NCALD: variants seen among roughly 807,000 people sequenced by gnomAD.
The protein encoded by NCALD is neurocalcin-delta.
In NCALD, 10 loss-of-function variants were observed where a neutral mutation model predicts 18.6. The ratio of observed to expected loss-of-function variants is 0.54; its 90% CI spans 0.33 to 0.91. The LOEUF (loss-of-function observed/expected upper bound fraction) is 0.91, where lower values mean the gene tolerates loss of function less well. Ranked by LOEUF, NCALD falls within the 40% of genes least tolerant of loss-of-function variation. NCALD has a pLI of 0.03. For synonymous variants in NCALD, 88 were observed against 87.4 expected (o/e 1.01, Z -0.04); for missense variants, 184 against 247.6 (o/e 0.74, Z 1.72).
At chr8:102,020,573 C>A (rs1017449640) in intron 1 of NCALD, among the ~76,000 whole-genome samples, 1 of 152,118 alleles carries the variant, frequency 6.6e-6, no homozygotes, top group South Asian at 2.1e-4. Flanking sequence ...TGCTATTGTC[C>A]GCTTATCCCA....
intron 4 of NCALD, among the ~76,000 whole-genome samples, chr8:101,845,896 C>A (rs886743915): frequency 6.6e-6 from 1 of 152,158 alleles, no homozygotes; most frequent in African/African-American, 2.4e-5. Flanking sequence ...CATAAGATGA[C>A]CTTTTATTAA....
chr8:101,743,948 G>A (rs1453736956), intron 1 of NCALD, among the ~76,000 whole-genome samples: 4 of 152,176 alleles, frequency 2.6e-5, no homozygotes, highest in African/African-American at 7.2e-5. Flanking sequence ...TTTGGACAGC[G>A]TGTGAACTCC....
At chr8:101,712,091 C>T (rs1188101844) in intron 2 of NCALD, among the ~76,000 whole-genome samples, 1 of 151,980 alleles carries the variant, frequency 6.6e-6, no homozygotes, top group East Asian at 1.9e-4. Flanking sequence ...ACCTTACAAG[C>T]CAGTGAGGGT....
intron 1 of NCALD, among the ~76,000 whole-genome samples, chr8:102,075,815 C>CG (rs1563595827): frequency 6.6e-6 from 1 of 151,726 alleles, no homozygotes; most frequent in African/African-American, 2.4e-5. Flanking sequence ...TAGCCAAGCA[C>CG]GGGGGTGAGC....
chr8:102,036,596 G>A (rs1822874199), intron 1 of NCALD, among the ~76,000 whole-genome samples: 1 of 151,958 alleles, frequency 6.6e-6, no homozygotes, highest in African/African-American at 2.4e-5. Context: ...CTAACATGGT[G>A]AAACCCCATT....
rs577020099 is a variant in NCALD at position 101,843,812 on chromosome 8, C to T, written c.-20+43329G>A. ...GGCCAGGCTGGTCTCGAACTCCTGG[C>T]CTCAAGTTATCTACCCGACTCAGCC... On this transcript the variant is annotated intron_variant, in intron 4 of 6. Transcript: ENST00000311028. Among the ~76,000 whole-genome samples, 5 of 152,140 alleles carry T rather than the reference C, an allele frequency of 3.3e-5. No homozygotes were observed. In the South Asian group the frequency reaches 1.0e-3, roughly 32 times the overall value.
intron 3 of NCALD, chr8:101,692,172 C>G: frequency 1.0e-6 from 1 of 985,422 alleles, no homozygotes; most frequent in Non-Finnish European, 1.2e-6. Context: ...TCCTTCTGTT[C>G]TTAAGTTGGA....
intron 1 of NCALD, among the ~76,000 whole-genome samples, chr8:102,069,512 A>T (rs770074323): frequency 3.9e-5 from 6 of 152,234 alleles, no homozygotes; most frequent in Non-Finnish European, 7.3e-5. Flanking sequence ...TGAGTCCTAG[A>T]ATTCCACTCC....
intron 2 of NCALD, among the ~76,000 whole-genome samples, chr8:101,972,991 T>A (rs895606843): frequency 6.6e-6 from 1 of 151,992 alleles, no homozygotes; most frequent in East Asian, 1.9e-4. Flanking sequence ...AAGTGCTCCA[T>A]GAAAAAATTA....
At chr8:101,784,143 G>T (rs889879481) in intron 1 of NCALD, among the ~76,000 whole-genome samples, 2 of 152,112 alleles carry the variant, frequency 1.3e-5, no homozygotes, top group Admixed American at 6.6e-5. Flanking sequence ...GCATCAGGAG[G>T]GGGAAGGAAG....
At chr8:101,863,450 C>T (rs951625938) in intron 4 of NCALD, among the ~76,000 whole-genome samples, 1 of 151,706 alleles carries the variant, frequency 6.6e-6, no homozygotes, top group African/African-American at 2.4e-5. Context: ...TGTTTTAAAC[C>T]ATGTTTCTCA....
chr8:101,864,382 G>A (rs1815671657), intron 4 of NCALD, among the ~76,000 whole-genome samples: 1 of 152,196 alleles, frequency 6.6e-6, no homozygotes, highest in African/African-American at 2.4e-5. Context: ...TGCCAGTGCT[G>A]ATGAGAGCTG....
intron 2 of NCALD, among the ~76,000 whole-genome samples, chr8:101,936,569 A>G (rs1329275374): frequency 1.3e-5 from 2 of 152,218 alleles, no homozygotes; most frequent in Non-Finnish European, 2.9e-5. Context: ...TATTGGTAAG[A>G]GCAAAGTCAG....
chr8:101,949,481 T>A (rs567191150), intron 2 of NCALD, among the ~76,000 whole-genome samples: 1 of 152,216 alleles, frequency 6.6e-6, no homozygotes, highest in South Asian at 2.1e-4. Context: ...AGTACATATC[T>A]GGTACTGTTA....
intron 3 of NCALD, chr8:101,692,451 G>A (rs1382236097): frequency 2.0e-6 from 2 of 985,290 alleles, no homozygotes; most frequent in East Asian, 1.1e-4. Context: ...GGACTGCAGG[G>A]ACCCAGCCTG....
intron 2 of NCALD, among the ~76,000 whole-genome samples, chr8:101,925,996 C>G (rs1818324050): frequency 6.6e-6 from 1 of 152,202 alleles, no homozygotes; most frequent in African/African-American, 2.4e-5. Context: ...GCAGTTGTGT[C>G]TACCCGGTGT....
At chr8:101,920,779 T>C (rs1020849886) in intron 2 of NCALD, among the ~76,000 whole-genome samples, 2 of 152,142 alleles carry the variant, frequency 1.3e-5, no homozygotes, top group East Asian at 1.9e-4. Context: ...TTGGGTACTA[T>C]GTTCAGTACC....
intron 1 of NCALD, among the ~76,000 whole-genome samples, chr8:101,773,438 T>C (rs1301588309): frequency 6.6e-6 from 1 of 152,192 alleles, no homozygotes; most frequent in Non-Finnish European, 1.5e-5. Flanking sequence ...AGGCTAATTG[T>C]ATAAGTTTCC....
rs142350437 is a variant in NCALD at position 102,000,461 on chromosome 8, T to G, written c.-157+19776A>C. On this transcript the variant is annotated intron_variant, in intron 2 of 6. Coordinates refer to the NCALD transcript ENST00000311028. ...AGACTCCACTTCTGGGGGTGGGGCA[T>G]AGCCAAACAAAAGGCAGCAGAAACC... Among the ~76,000 whole-genome samples the G allele has an allele frequency of 4.0e-3, 616 of 152,282 alleles. 3 individuals carry two copies. Among genetic ancestry groups the G allele is most frequent in the African/African-American group, 0.013 (561 of 41,562 alleles).
Sources: allele counts gnomAD v4.1 joint callset (sites outside exome capture counted in the v4.1 genomes callset), GRCh38; gene constraint gnomAD v4.1.1; transcripts MANE v1.5; gene names NCBI Gene and HGNC (gene_info 2026-07-23, HGNC 2026-07-21).